Variants in ENOX2 observed in about 807,000 individuals in gnomAD.
ENOX2 encodes the protein ecto-NOX disulfide-thiol exchanger 2.
Under a neutral mutation model 45.0 loss-of-function variants are expected in ENOX2, and 36 were observed. That is an observed-to-expected ratio of 0.80 (90% CI 0.61 to 1.06). The LOEUF (loss-of-function observed/expected upper bound fraction) is 1.06. ENOX2 is among the 50% of genes least tolerant of loss of function. ENOX2 has a pLI of 0.00. For synonymous variants in ENOX2, 174 were observed against 152.3 expected, an observed-to-expected ratio of 1.14 and a Z score of -1.05; for missense variants, 423 against 462.5, an observed-to-expected ratio of 0.91 and a Z score of 0.78.
intron 2 of ENOX2, among the ~76,000 whole-genome samples, chrX:130,850,713 C>T (rs1367201724): frequency 8.9e-6 from 1 of 112,237 alleles, no homozygotes; most frequent in Non-Finnish European, 1.9e-5. Context: ...TTTCTTTCAA[C>T]GAACACGTTT....
chrX:130,686,912 C>T (rs2037463385), intron 5 of ENOX2, among the ~76,000 whole-genome samples: 1 of 111,714 alleles, frequency 9.0e-6, no homozygotes, highest in Non-Finnish European at 1.9e-5. Flanking sequence ...TTTACTGGTG[C>T]TAGTTGCCCC....
chrX:130,782,966 T>C (rs1045854039), intron 3 of ENOX2, among the ~76,000 whole-genome samples: 1 of 111,900 alleles, frequency 8.9e-6, no homozygotes, highest in Non-Finnish European at 1.9e-5. Context: ...GAAGAATCTG[T>C]TTGCCAACTG....
rs2035726356 is a variant in ENOX2, at chrX:130,631,608, A to G, written c.1420-32T>C. 4.5e-6 allele frequency: 4 copies of G among 893,181 alleles called. No individual in the cohort carries two copies. In the African/African-American group the frequency reaches 7.7e-5, roughly 17 times the overall value. 73.6% of individuals were successfully genotyped at this position (893,181 alleles called of 1,213,427 possible). A position where few individuals can be genotyped will look rare whatever the true frequency, so the allele number is the denominator to read the frequency against. ...ACACAACATGCTTCTAGGTCAGTTC[A>G]CTTTATTTGGCAATAGAGTTGGTTT... On this transcript the variant is annotated intron_variant, in intron 12 of 14. Coordinates refer to ENST00000394363, the MANE Select transcript of ENOX2 (RefSeq NM_006375.4).
intron 2 of ENOX2, among the ~76,000 whole-genome samples, chrX:130,877,295 C>T (rs2078723657): frequency 2.7e-5 from 3 of 112,066 alleles, no homozygotes; most frequent in South Asian, 3.7e-4. Context: ...CTGGATTGCT[C>T]TTTCCTTAGT....
rs997532379 is a variant in ENOX2 at position 130,703,338 on chromosome X, T to C, written c.-38-84A>G. 1.1e-4 allele frequency: 99 copies of C among 940,645 alleles called. No homozygotes were observed. In the Middle Eastern group the frequency reaches 1.2e-3, roughly 11 times the overall value. 77.5% of individuals were successfully genotyped at this position (940,645 alleles called of 1,213,427 possible). ...CTTATAAACATAAATTCTGGCAAAC[T>C]GTTTATAGAAATGGCTGGAGAAATG... On this transcript the variant is annotated intron_variant, in intron 3 of 14. Coordinates refer to ENST00000394363, the MANE Select transcript of ENOX2 (RefSeq NM_006375.4).
At chrX:130,688,163 A>C (rs185631263) in intron 5 of ENOX2, among the ~76,000 whole-genome samples, 3 of 112,229 alleles carry the variant, frequency 2.7e-5, no homozygotes, top group African/African-American at 9.7e-5. Context: ...ATAAAACCCC[A>C]AGTGCATCTG....
intron 2 of ENOX2, among the ~76,000 whole-genome samples, chrX:130,799,702 G>C (rs2077186769): frequency 9.0e-6 from 1 of 111,425 alleles, no homozygotes; most frequent in Non-Finnish European, 1.9e-5. Flanking sequence ...AGAAAGAAAA[G>C]CTTAGATGGA....
chrX:130,792,832 A>T lies in ENOX2; in HGVS notation c.-182-9142T>A, dbSNP rs2077063393. On this transcript the variant is annotated intron_variant, in intron 2 of 14. Coordinates refer to ENST00000394363, the MANE Select transcript of ENOX2 (RefSeq NM_006375.4). ...CAAAAAACAAAACCAGAAAGAAAGAAAAAAAGTGAAAAGTTCAGTTGCTCA... is the reference window on the plus strand; with the variant it reads ...CAAAAAACAAAACCAGAAAGAAAGATAAAAAGTGAAAAGTTCAGTTGCTCA... Among the ~76,000 whole-genome samples, 3 of 112,390 alleles carry T rather than the reference A, an allele frequency of 2.7e-5. No individual in the cohort carries two copies. The Admixed American group carries it at 2.8e-4, about 11-fold the overall frequency.
intron 2 of ENOX2, among the ~76,000 whole-genome samples, chrX:130,831,347 T>G (rs760611608): frequency 2.7e-5 from 3 of 111,911 alleles, no homozygotes; most frequent in Non-Finnish European, 5.7e-5. Context: ...TTTTAAAAAG[T>G]GTAAAACAAT....
intron 2 of ENOX2, among the ~76,000 whole-genome samples, chrX:130,876,764 T>C (rs1214304164): frequency 9.0e-6 from 1 of 111,545 alleles, no homozygotes; most frequent in Non-Finnish European, 1.9e-5. Flanking sequence ...CTCCTCAATT[T>C]ATTCTGTAGG....
chrX:130,899,869 A>G (rs1465711987), intron 2 of ENOX2, among the ~76,000 whole-genome samples: 1 of 112,493 alleles, frequency 8.9e-6, no homozygotes, highest in Non-Finnish European at 1.9e-5. Context: ...TATAAAGGAC[A>G]AGAGGCAAGG....
At chrX:130,816,252 A>C (rs1017131063) in intron 2 of ENOX2, among the ~76,000 whole-genome samples, 1 of 111,669 alleles carries the variant, frequency 9.0e-6, no homozygotes, top group Admixed American at 9.5e-5. Flanking sequence ...ATTCAGGAGC[A>C]CCCAGATTCA....
intron 2 of ENOX2, among the ~76,000 whole-genome samples, chrX:130,880,098 G>C (rs1195184959): frequency 2.7e-5 from 3 of 111,641 alleles, no homozygotes; most frequent in African/African-American, 9.8e-5. Context: ...TTCTGGGAGT[G>C]AGTTTGAATG....
chrX:130,872,169 G>C (rs776770549), intron 2 of ENOX2, among the ~76,000 whole-genome samples: 2 of 112,077 alleles, frequency 1.8e-5, no homozygotes, highest in Admixed American at 1.9e-4. Flanking sequence ...GAAACCATCT[G>C]ACAAGTTGTT....
chrX:130,854,981 C>A (rs2078282558), intron 2 of ENOX2, among the ~76,000 whole-genome samples: 1 of 111,782 alleles, frequency 8.9e-6, no homozygotes, highest in Non-Finnish European at 1.9e-5. Flanking sequence ...ACTGAATACT[C>A]TTTCCTATTA....
intron 2 of ENOX2, among the ~76,000 whole-genome samples, chrX:130,844,134 T>C (rs1044507651): frequency 1.4e-4 from 16 of 112,243 alleles, no homozygotes; most frequent in African/African-American, 4.9e-4. Context: ...CCTTAGACAT[T>C]AACTCTATGA....
In ENOX2 at chrX:130,878,518, T is replaced by C. The variant is rs187715738; in HGVS notation, c.-183+23166A>G. On this transcript the variant is annotated intron_variant, in intron 2 of 14. Transcript: ENST00000394363. ...ACTATGCTCTTTATTGCTCACTCCA[T>C]TCAAAAGAGCCGTGAGTGCCAATAT... is the stretch of plus-strand genomic sequence containing the variant. Among the ~76,000 whole-genome samples the C allele has an allele frequency of 8.9e-3, 994 of 111,545 alleles. 12 individuals are homozygous for C. The highest frequency in any genetic ancestry group is 0.031 in the African/African-American group (936 of 30,651).
At chrX:130,731,861 T>C (rs1204493896) in intron 3 of ENOX2, among the ~76,000 whole-genome samples, 1 of 111,430 alleles carries the variant, frequency 9.0e-6, no homozygotes, top group Admixed American at 9.5e-5. Flanking sequence ...CTCAGCATAA[T>C]AAAGGTCATA....
chrX:130,895,897 T>C (rs1334070821), intron 2 of ENOX2, among the ~76,000 whole-genome samples: 2 of 112,442 alleles, frequency 1.8e-5, no homozygotes, highest in African/African-American at 3.2e-5. Context: ...CACTGAGGGA[T>C]AGAACATAAA....
Sources: allele counts gnomAD v4.1 joint callset (sites outside exome capture counted in the v4.1 genomes callset), GRCh38; gene constraint gnomAD v4.1.1; transcripts MANE v1.5; gene names NCBI Gene and HGNC (gene_info 2026-07-23, HGNC 2026-07-21).